WDHD1: variants seen among roughly 807,000 people sequenced by gnomAD.
WDHD1 encodes the protein WD repeat and HMG-box DNA binding protein 1.
WDHD1 carries 111 observed loss-of-function variants against 135.4 expected under a neutral mutation model. The ratio of observed to expected loss-of-function variants is 0.82; its 90% CI spans 0.70 to 0.96. WDHD1 has a LOEUF of 0.96. Ranked by LOEUF, WDHD1 falls within the 40% of genes least tolerant of loss-of-function variation. The pLI is 0.00. For missense variants in WDHD1, 1,351 were observed against 1,336.3 expected (o/e 1.01, Z -0.17); for synonymous variants, 434 against 439.0 (o/e 0.99, Z 0.14).
In WDHD1 at chr14:54,939,984, A is replaced by T. The variant is rs1224873493; in HGVS notation, c.*1506T>A. On this transcript the variant is annotated 3_prime_UTR_variant, in exon 26 of 26. Transcript: ENST00000360586. Reference sequence around the variant, plus strand: ...ATGTACTATAAATAAACCTTTACTTAAGATCTTGAAATCAAAATTAGTTTG... The same window carrying T: ...ATGTACTATAAATAAACCTTTACTTTAGATCTTGAAATCAAAATTAGTTTG... 6.6e-6 allele frequency: 1 copy of T among 152,246 alleles called. No homozygotes were observed. Among genetic ancestry groups the T allele is most frequent in the African/African-American group, 2.4e-5 (1 of 41,458 alleles). 9.4% of individuals were successfully genotyped at this position (152,246 alleles called of 1,614,324 possible). A position where few individuals can be genotyped will look rare whatever the true frequency, so the allele number is the denominator to read the frequency against.
chr14:54,988,891 G>C, intron 13 of WDHD1, 137 bp downstream of exon 13: 4 of 685,784 alleles, frequency 5.8e-6, no homozygotes, highest in Non-Finnish European at 9.4e-6. Context: ...TGGGTGTGCT[G>C]GTGTTTGTAC....
At position 54,995,710 on chromosome 14, in the gene WDHD1, AAAG is replaced by A; in HGVS notation, c.1043_1045del (p.Ser348del). ...ATCATCATTTATAATCCCTTTTGAAAAAGAAGGGATCTCAACTGCATTGTCATT... is the reference window on the plus strand; with the variant it reads ...ATCATCATTTATAATCCCTTTTGAAAAAGGGATCTCAACTGCATTGTCATT... On this transcript the variant is annotated inframe_deletion, in exon 11 of 26. Transcript: ENST00000360586. The A allele has an allele frequency of 9.3e-6, 15 of 1,613,750 alleles. No homozygotes were observed. Among genetic ancestry groups the A allele is most frequent in the Non-Finnish European group, 1.3e-5 (15 of 1,179,860 alleles).
At chr14:55,001,714 T>C (rs2041984058) in intron 8 of WDHD1, among the ~76,000 whole-genome samples, 1 of 152,276 alleles carries the variant, frequency 6.6e-6, no homozygotes, top group African/African-American at 2.4e-5. Context: ...ACTGGGCTTA[T>C]GTTTCCTTAA....
Position 55,008,590 on chromosome 14 carries a change from G to C in WDHD1, c.453+18C>G, listed in dbSNP as rs1419637979. On this transcript the variant is annotated intron_variant, in intron 5 of 25. Coordinates refer to ENST00000360586, the MANE Select transcript of WDHD1 (RefSeq NM_007086.4). ...CATATTCAGGAAAAACACAAAAAGA[G>C]AAGGAAAAAATAATTACCAGAAAGA... 1 of 1,569,016 alleles carries C rather than the reference G, an allele frequency of 6.4e-7. No homozygotes were observed. The highest frequency in any genetic ancestry group is 8.6e-7 in the Non-Finnish European group (1 of 1,161,280).
At chr14:54,950,808 C>T (rs1436819285) in intron 24 of WDHD1, among the ~76,000 whole-genome samples, 1 of 152,178 alleles carries the variant, frequency 6.6e-6, no homozygotes, top group Non-Finnish European at 1.5e-5. Context: ...TCTCAGACCA[C>T]AGTGCAATCA....
intron 16 of WDHD1, among the ~76,000 whole-genome samples, chr14:54,977,137 A>T (rs1454724299): frequency 1.3e-5 from 2 of 152,072 alleles, no homozygotes; most frequent in Non-Finnish European, 2.9e-5. Flanking sequence ...AATTACTTTA[A>T]TCTTTTTGGA....
intron 24 of WDHD1, among the ~76,000 whole-genome samples, chr14:54,954,400 A>G (rs944833535): frequency 3.9e-5 from 6 of 152,226 alleles, no homozygotes; most frequent in Admixed American, 3.3e-4. Flanking sequence ...TCATATTGCT[A>G]AAGGTGTATA....
chr14:54,989,349 A>C, intron 12 of WDHD1, 137 bp from the exon 13 acceptor site: 34 of 569,372 alleles, frequency 6.0e-5, no homozygotes, highest in Middle Eastern at 4.7e-4. Context: ...ACTACATCTC[A>C]TCTATCTCTA....
intron 7 of WDHD1, among the ~76,000 whole-genome samples, chr14:55,003,931 T>C (rs896043048): frequency 6.6e-6 from 1 of 152,216 alleles, no homozygotes; most frequent in African/African-American, 2.4e-5. Context: ...TGGGTTTCTA[T>C]TGATTTGTAA....
At chr14:54,949,582 GAT>G (rs1379836765) in intron 24 of WDHD1, among the ~76,000 whole-genome samples, 1 of 152,170 alleles carries the variant, frequency 6.6e-6, no homozygotes, top group Admixed American at 6.6e-5. Context: ...CACTCTGCAG[GAT>G]ACTATCCAGG....
chr14:54,993,706 A>G lies in WDHD1; in HGVS notation c.1153+1897T>C, dbSNP rs545048918. Among the ~76,000 whole-genome samples the G allele has an allele frequency of 1.2e-4, 19 of 152,246 alleles. No homozygotes were observed. The East Asian group carries it at 3.3e-3, about 26-fold the overall frequency. The stretch of plus-strand genomic sequence containing the variant: ...AGATGAGAGAATCCAGCTATCCTCT[A>G]TGATAGACATTACAAAGATTGCAAT... On this transcript the variant is annotated intron_variant, in intron 11 of 25. Transcript: ENST00000360586.
At chr14:54,981,975 A>T (rs547308445) in intron 15 of WDHD1, among the ~76,000 whole-genome samples, 1 of 152,036 alleles carries the variant, frequency 6.6e-6, no homozygotes, top group African/African-American at 2.4e-5. Context: ...CTGCTGGAAG[A>T]TAATAATAAT....
At chr14:55,022,338 T>A (rs117609468) in intron 2 of WDHD1, among the ~76,000 whole-genome samples, 3,080 of 152,254 alleles carry the variant, frequency 0.02, 49 homozygotes, top group Non-Finnish European at 0.033. Flanking sequence ...TGATCACAAA[T>A]CTGATTGTAT....
intron 21 of WDHD1, among the ~76,000 whole-genome samples, chr14:54,960,851 G>A (rs943709241): frequency 6.6e-6 from 1 of 152,148 alleles, no homozygotes; most frequent in African/African-American, 2.4e-5. Context: ...CCAGGCTGGA[G>A]TGCAGTGGTG....
chr14:54,993,938 G>A (rs1213555694), intron 11 of WDHD1, among the ~76,000 whole-genome samples: 1 of 152,164 alleles, frequency 6.6e-6, no homozygotes. Flanking sequence ...AAAGGCTACT[G>A]AGACCAAAAC....
chr14:55,018,859 A>G (rs571157527), intron 2 of WDHD1, among the ~76,000 whole-genome samples: 16 of 152,136 alleles, frequency 1.1e-4, no homozygotes, highest in Non-Finnish European at 2.2e-4. Flanking sequence ...CCCCATCTCT[A>G]CTAAAAATAC....
intron 13 of WDHD1, among the ~76,000 whole-genome samples, chr14:54,988,077 C>G (rs1445328909): frequency 6.6e-6 from 1 of 152,146 alleles, no homozygotes; most frequent in African/African-American, 2.4e-5. Flanking sequence ...AAAAGAAAAA[C>G]ATTCTGCACC....
chr14:54,989,196 C>G lies in WDHD1; in HGVS notation c.1358G>C (p.Gly453Ala). 6.2e-7 allele frequency: 1 copy of G among 1,612,070 alleles called. No individual in the cohort carries two copies. Among genetic ancestry groups the G allele is most frequent in the Non-Finnish European group, 8.5e-7 (1 of 1,179,126 alleles). ...THRFMVWNSI[G>A]IIRCYNDEQD... ...CTCATCATTATAGCAGCGAATAATT[C>G]CAATAGAGTTCCACACCTACAAACA... Residue 453 changes from glycine to alanine, a missense_variant, in exon 13 of 26, where the codon GGA becomes GCA. Physicochemically the swap from Gly to Ala is moderately conservative, Grantham distance 60. Transcript: ENST00000360586.
At chr14:54,980,376 G>C (rs1000093661) in intron 16 of WDHD1, among the ~76,000 whole-genome samples, 1 of 151,286 alleles carries the variant, frequency 6.6e-6, no homozygotes, top group Non-Finnish European at 1.5e-5. Flanking sequence ...ACAGAATTGT[G>C]CATCTATCAA....
Sources: allele counts gnomAD v4.1 joint callset (sites outside exome capture counted in the v4.1 genomes callset), GRCh38; gene constraint gnomAD v4.1.1; transcripts MANE v1.5; gene names NCBI Gene and HGNC (gene_info 2026-07-23, HGNC 2026-07-21).